GSE1: variants seen among roughly 807,000 people sequenced by gnomAD.
GSE1 encodes the protein genetic suppressor element 1.
GSE1 carries 32 observed loss-of-function variants against 112.6 expected under a neutral mutation model. The ratio of observed to expected loss-of-function variants is 0.28; its 90% confidence interval spans 0.21 to 0.38. The LOEUF (loss-of-function observed/expected upper bound fraction) is 0.38. Among genes scored for constraint, GSE1 ranks in the 10% least tolerant of loss-of-function variants. GSE1 has a pLI of 1.00. For synonymous variants in GSE1, 1,115 were observed against 735.6 expected, an observed-to-expected ratio of 1.52 and a Z score of -8.35; for missense variants, 2,348 against 1,699.2, an observed-to-expected ratio of 1.38 and a Z score of -6.71.
chr16:85,602,086 C>T (rs576590750), intron 1 of GSE1, among the ~76,000 whole-genome samples: 3 of 152,316 alleles, frequency 2.0e-5, no homozygotes, highest in Admixed American at 1.3e-4. Context: ...GCCCCACCGT[C>T]CAGGGAAGTT....
chr16:85,613,243 T>G, upstream of GSE1: 1 of 1,518,852 alleles, frequency 6.6e-7, no homozygotes, highest in Non-Finnish European at 8.8e-7. Flanking sequence ...AGCAGGTGTT[T>G]CTTGGCCGGG....
chr16:85,222,925 A>C (rs1385147750), intron 1 of GSE1, among the ~76,000 whole-genome samples: 1 of 152,192 alleles, frequency 6.6e-6, no homozygotes, highest in Non-Finnish European at 1.5e-5. Flanking sequence ...GAGGAACATA[A>C]AAATTGAAAA....
intron 1 of GSE1, among the ~76,000 whole-genome samples, chr16:85,248,021 A>G (rs1242617609): frequency 6.6e-6 from 1 of 152,224 alleles, no homozygotes. Flanking sequence ...CCCTGGCTTT[A>G]AAAGAGCTTA....
intron 1 of GSE1, among the ~76,000 whole-genome samples, chr16:85,215,671 A>G (rs1320671277): frequency 6.6e-6 from 1 of 152,316 alleles, no homozygotes; most frequent in East Asian, 1.9e-4. Context: ...GCAAACATTC[A>G]CAGAGTGCCT....
chr16:85,621,644 A>G (rs1016642253), intron 1 of GSE1, among the ~76,000 whole-genome samples: 12 of 152,166 alleles, frequency 7.9e-5, no homozygotes, highest in Non-Finnish European at 1.6e-4. Context: ...GATCCTGCGG[A>G]GTGACTCTGA....
chr16:85,437,204 C>T (rs1301776828), intron 2 of GSE1, among the ~76,000 whole-genome samples: 1 of 152,146 alleles, frequency 6.6e-6, no homozygotes, highest in African/African-American at 2.4e-5. Flanking sequence ...GCGGACGCCT[C>T]CGCCGCCGGG....
At position 85,373,987 on chromosome 16, in the gene GSE1, ATG is replaced by A. The variant is rs1361159070; in HGVS notation, c.2464+16351_2464+16352del. Among the ~76,000 whole-genome samples, 1 of 152,108 alleles carries A rather than the reference ATG, an allele frequency of 6.6e-6. No individual in the cohort carries two copies. ...CGCCCCACGGTGGCTGCATGTGCGT[ATG>A]TGTGTGGGTGTCCACATGTGTCAGG... On this transcript the variant is annotated intron_variant, in intron 2 of 2. Coordinates refer to the GSE1 transcript ENST00000637419. The surrounding 1 kb of genome is among the most constrained non-coding windows in gnomAD (Gnocchi z 5.1).
At chr16:85,493,473 G>A (rs185022775) in intron 2 of GSE1, among the ~76,000 whole-genome samples, 131 of 152,250 alleles carry the variant, frequency 8.6e-4, no homozygotes, top group African/African-American at 2.9e-3. Context: ...GCCAGCTGTG[G>A]CCGGGCACAG....
intron 2 of GSE1, among the ~76,000 whole-genome samples, chr16:85,448,773 A>C (rs1206058476): frequency 6.6e-5 from 10 of 152,134 alleles, no homozygotes; most frequent in Admixed American, 1.3e-4. Context: ...GAAACCACCA[A>C]CGTGTTTATG....
intron 1 of GSE1, among the ~76,000 whole-genome samples, chr16:85,320,948 A>T (rs2046094496): frequency 6.6e-6 from 1 of 152,044 alleles, no homozygotes; most frequent in Admixed American, 6.5e-5. Flanking sequence ...GTCTACTCAC[A>T]TGACCTCCTA....
chr16:85,246,557 G>A (rs1255525664), intron 1 of GSE1, among the ~76,000 whole-genome samples: 1 of 139,882 alleles, frequency 7.1e-6, no homozygotes, highest in East Asian at 2.1e-4. Flanking sequence ...TGCAGGAGCA[G>A]CCGTGATTTA....
At chr16:85,647,479 A>G (rs1482513628) in intron 2 of GSE1, among the ~76,000 whole-genome samples, 1 of 152,188 alleles carries the variant, frequency 6.6e-6, no homozygotes, top group Non-Finnish European at 1.5e-5. Flanking sequence ...CTTTTAAAGA[A>G]ACTCCCCCAG....
upstream of GSE1, among the ~76,000 whole-genome samples, chr16:85,551,435 G>A (rs2044909067): frequency 6.6e-6 from 1 of 152,226 alleles, no homozygotes; most frequent in African/African-American, 2.4e-5. Context: ...TGGCTGTAGT[G>A]ATGGGTTCCA....
chr16:85,343,908 G>A (rs571664223), intron 1 of GSE1, among the ~76,000 whole-genome samples: 2 of 152,134 alleles, frequency 1.3e-5, no homozygotes, highest in African/African-American at 2.4e-5. Flanking sequence ...AGCTCCTCCC[G>A]TGCCACTTGC....
chr16:85,351,241 C>T (rs1268669145), intron 1 of GSE1, among the ~76,000 whole-genome samples: 5 of 152,160 alleles, frequency 3.3e-5, no homozygotes, highest in East Asian at 1.9e-4. Flanking sequence ...CAGTTCCTGC[C>T]GAAGAGGCTC....
At chr16:85,172,154 G>A (rs916602904) in intron 1 of GSE1, among the ~76,000 whole-genome samples, 1 of 152,138 alleles carries the variant, frequency 6.6e-6, no homozygotes, top group African/African-American at 2.4e-5. Context: ...TCTGTCATCC[G>A]CCTGATAACA....
chr16:85,284,536 A>G (rs2044957919), intron 1 of GSE1, among the ~76,000 whole-genome samples: 1 of 152,196 alleles, frequency 6.6e-6, no homozygotes. Context: ...CTGGATTTTC[A>G]TGTCCACCAA....
chr16:85,229,594 C>G (rs768795975), intron 1 of GSE1, among the ~76,000 whole-genome samples: 1 of 152,250 alleles, frequency 6.6e-6, no homozygotes, highest in Non-Finnish European at 1.5e-5. Flanking sequence ...GGTTCCGAAA[C>G]TTGCCTGAGG....
chr16:85,186,228 T>G (rs1327746055), intron 1 of GSE1, among the ~76,000 whole-genome samples: 1 of 152,134 alleles, frequency 6.6e-6, no homozygotes, highest in East Asian at 1.9e-4. Flanking sequence ...CCCGGCAGTT[T>G]GAGAGGCAAG....
Sources: gnomAD v4.1 joint callset for allele counts (sites outside exome capture counted in the v4.1 genomes callset) on GRCh38, gnomAD v4.1.1 for gene constraint, Gnocchi (gnomAD v3.1) non-coding constraint, MANE v1.5 for transcripts, NCBI Gene and HGNC (gene_info 2026-07-23, HGNC 2026-07-21) for gene names.